The following CFAP77 variants were observed in gnomAD, a reference collection of about 807,000 sequenced individuals.
CFAP77 encodes the protein cilia- and flagella-associated protein 77.
In CFAP77, 25 loss-of-function variants were observed where a neutral mutation model predicts 31.1. The ratio of observed to expected loss-of-function variants is 0.80; its 90% CI spans 0.59 to 1.12. CFAP77 has a LOEUF of 1.12. Ranked by LOEUF, CFAP77 falls within the 50% of genes most tolerant of loss-of-function variation. The pLI, the probability that CFAP77 is intolerant of heterozygous loss-of-function variation, is 0.00. For missense variants in CFAP77, 377 were observed against 397.3 expected (o/e 0.95, Z 0.44); for synonymous variants, 151 against 159.9 (o/e 0.94, Z 0.42).
chr9:132,489,251 C>T (rs1424272648), intron 1 of CFAP77, among the ~76,000 whole-genome samples: 4 of 152,082 alleles, frequency 2.6e-5, no homozygotes, highest in Non-Finnish European at 5.9e-5. Flanking sequence ...AAATGAGAAG[C>T]GCAAGGATTT....
At chr9:132,551,169 C>T (rs1852814818) in intron 5 of CFAP77, among the ~76,000 whole-genome samples, 1 of 151,988 alleles carries the variant, frequency 6.6e-6, no homozygotes, top group Non-Finnish European at 1.5e-5. Flanking sequence ...AGTCCAGTAG[C>T]TGGGAGAGTG....
rs1372715090 is a variant in CFAP77, at chr9:132,511,863, G to A, written c.524+12263G>A. Among the ~76,000 whole-genome samples, 1 of 152,194 alleles carries A rather than the reference G, an allele frequency of 6.6e-6. No individual in the cohort carries two copies. Among genetic ancestry groups the A allele is most frequent in the Non-Finnish European group, 1.5e-5 (1 of 68,042 alleles). ...GAGGTCAGGAGTTCGACACCAGCCT[G>A]ACCAATATGGTGAAATCCCGTCTCT... On this transcript the variant is annotated intron_variant, in intron 3 of 5. Transcript: ENST00000393216. The surrounding 1 kb of genome is among the most constrained non-coding windows in gnomAD (Gnocchi z 5.8).
intron 1 of CFAP77, among the ~76,000 whole-genome samples, chr9:132,438,319 C>T (rs1189703341): frequency 6.7e-6 from 1 of 149,802 alleles, no homozygotes; most frequent in African/African-American, 2.5e-5. Context: ...TAATGATGTT[C>T]CTATTTTACA....
rs933001711 is a variant in CFAP77, at chr9:132,416,177, C to A, written c.195+5711C>A. On this transcript the variant is annotated intron_variant, in intron 1 of 5. Transcript: ENST00000393216. ...CCTGGGCTGTGTTAAACCTTAGACC[C>A]GTCTGCTGGGCTCTCACTCCTGCCT... Among the ~76,000 whole-genome samples the A allele has an allele frequency of 3.3e-5, 5 of 152,178 alleles. No individual in the cohort carries two copies. The East Asian group carries it at 9.7e-4, about 29-fold the overall frequency.
intron 1 of CFAP77, among the ~76,000 whole-genome samples, chr9:132,493,256 C>T (rs1372065555): frequency 6.6e-6 from 1 of 152,206 alleles, no homozygotes; most frequent in Non-Finnish European, 1.5e-5. Flanking sequence ...GGAAGTTCCA[C>T]TTCATCCTTC....
At position 132,454,298 on chromosome 9, in the gene CFAP77, G is replaced by A. The variant is rs537317987; in HGVS notation, c.195+43832G>A. On this transcript the variant is annotated intron_variant, in intron 1 of 5. Transcript: ENST00000393216. ...TTGTAACTCATCTATTTAAAAATCA[G>A]ATCAGGCTGAAAACACAGTGAGTAG... 3.3e-5 allele frequency among the ~76,000 whole-genome samples: 5 copies of A among 152,190 alleles called. No homozygotes were observed. The East Asian group carries it at 9.6e-4, about 29-fold the overall frequency.
In CFAP77 at chr9:132,498,755, G is replaced by A. The variant is rs760052079; in HGVS notation, c.256G>A (p.Gly86Arg). 1 of 1,612,222 alleles carries A rather than the reference G, an allele frequency of 6.2e-7. No individual in the cohort carries two copies. The highest frequency in any genetic ancestry group is 8.5e-7 in the Non-Finnish European group (1 of 1,179,104). Residue 86 changes from glycine (G) to arginine (R), a missense_variant, in exon 2 of 6, where the codon GGA becomes AGA. By Grantham distance (125) the Gly-to-Arg change is moderately radical. Coordinates refer to ENST00000393216, the MANE Select transcript of CFAP77 (RefSeq NM_001282957.2). The surrounding 1 kb of genome is among the most constrained non-coding windows in gnomAD (Gnocchi z 4.2). Reference sequence around the variant, plus strand: ...TCTGCCCGGCATTAATTTTAATTATGGACTCTACATCCGAGGGCTTGACGG... The same window carrying A: ...TCTGCCCGGCATTAATTTTAATTATAGACTCTACATCCGAGGGCTTGACGG... The part of the protein sequence containing the change: ...YSLPGINFNY[G>R]LYIRGLDGGV...
intron 3 of CFAP77, among the ~76,000 whole-genome samples, chr9:132,516,731 G>A (rs992209773): frequency 6.6e-6 from 1 of 152,094 alleles, no homozygotes; most frequent in Non-Finnish European, 1.5e-5. Flanking sequence ...AACTGGGTAA[G>A]GGGCACGTGG....
At position 132,425,864 on chromosome 9, in the gene CFAP77, G is replaced by A. The variant is rs552456673; in HGVS notation, c.195+15398G>A. Among the ~76,000 whole-genome samples, 88 of 152,190 alleles carry A rather than the reference G, an allele frequency of 5.8e-4. 1 individual carries two copies. Among genetic ancestry groups the A allele is most frequent in the Non-Finnish European group, 1.0e-3 (70 of 68,036 alleles). On this transcript the variant is annotated intron_variant, in intron 1 of 5. Transcript: ENST00000393216. ...GTAATTACAGCCACACGGTGTGTCC[G>A]TAAACTTTTGAATGAAGAGCCTTGT...
At chr9:132,448,546 A>C (rs1424240178) in intron 1 of CFAP77, among the ~76,000 whole-genome samples, 1 of 152,058 alleles carries the variant, frequency 6.6e-6, no homozygotes, top group African/African-American at 2.4e-5. Flanking sequence ...AACACAGGAA[A>C]TGCTCCCCAA....
At position 132,499,550 on chromosome 9, in the gene CFAP77, G is replaced by T. The variant is rs752937378; in HGVS notation, c.474G>T (p.Lys158Asn). 1 of 1,614,204 alleles carries T rather than the reference G, an allele frequency of 6.2e-7. No homozygotes were observed. Among genetic ancestry groups the T allele is most frequent in the South Asian group, 1.1e-5 (1 of 91,086 alleles). The change falls in exon 3 of 6, where the codon AAG becomes AAT. Residue 158 changes from lysine to asparagine, a missense_variant. By Grantham distance (94) the Lys-to-Asn change is moderately conservative (BLOSUM62 0). Coordinates refer to ENST00000393216, the MANE Select transcript of CFAP77 (RefSeq NM_001282957.2). This position sits in a 1 kb window ranked among gnomAD's most constrained non-coding sequence, Gnocchi z 5.4. ...GTGACCAGGATGACCGGCGCATGAA[G>T]AAAGAGCCGCCCCCTCTCCCTCCAA... Reference protein sequence around the residue: ...RISDQDDRRMKKEPPPLPPNM... With the variant: ...RISDQDDRRMNKEPPPLPPNM...
At chr9:132,503,109 A>G (rs892511097) in intron 3 of CFAP77, among the ~76,000 whole-genome samples, 7 of 152,168 alleles carry the variant, frequency 4.6e-5, no homozygotes, top group Non-Finnish European at 8.8e-5. Context: ...CAGGAAGGTG[A>G]CACTAGAGAC....
chr9:132,567,695 G>T (rs1829901932), intron 5 of CFAP77, among the ~76,000 whole-genome samples: 1 of 152,180 alleles, frequency 6.6e-6, no homozygotes, highest in Non-Finnish European at 1.5e-5. Context: ...AGTTCTGGAG[G>T]CCAGACCAAC....
Position 132,545,537 on chromosome 9 carries a change from G to C in CFAP77, c.732+2490G>C, listed in dbSNP as rs556405132. 4.6e-5 allele frequency among the ~76,000 whole-genome samples: 7 copies of C among 152,238 alleles called. No homozygotes were observed. The highest frequency in any genetic ancestry group is 2.1e-4 in the South Asian group (1 of 4,836). ...ATGCTGGGAGTTAAAGCTGCAGGCT[G>C]TCTCCCTATCCTACTTGCCAGAAAC... On this transcript the variant is annotated intron_variant, in intron 5 of 5. Transcript: ENST00000393216. This position sits in a 1 kb window ranked among gnomAD's most constrained non-coding sequence, Gnocchi z 4.6.
chr9:132,493,279 T>C (rs1851679998), intron 1 of CFAP77, among the ~76,000 whole-genome samples: 3 of 152,182 alleles, frequency 2.0e-5, no homozygotes, highest in Non-Finnish European at 2.9e-5. Context: ...GGCGATGCTA[T>C]GGTCTGGAAA....
chr9:132,519,461 TGG>T (rs1852211876), intron 3 of CFAP77, among the ~76,000 whole-genome samples: 1 of 24,568 alleles, frequency 4.1e-5, no homozygotes, highest in Non-Finnish European at 8.2e-5. Flanking sequence ...GATGGGTGGG[TGG>T]GTAGATGGAT....
rs1338388212 is a variant in CFAP77 at position 132,565,010 on chromosome 9, A to G, written c.733-7378A>G. ...CTGTAGTATGGGAGAGTTAGATTCG[A>G]TATCACTAAGGTCTCTTCCAAACCT... On this transcript the variant is annotated intron_variant, in intron 5 of 5. Transcript: ENST00000393216. This position sits in a 1 kb window ranked among gnomAD's most constrained non-coding sequence, Gnocchi z 4.1. Among the ~76,000 whole-genome samples, 2 of 151,938 alleles carry G rather than the reference A, an allele frequency of 1.3e-5. No homozygotes were observed. The highest frequency in any genetic ancestry group is 1.9e-4 in the East Asian group (1 of 5,198).
chr9:132,440,237 C>T (rs568231121), intron 1 of CFAP77, among the ~76,000 whole-genome samples: 2 of 151,862 alleles, frequency 1.3e-5, no homozygotes, highest in South Asian at 2.1e-4. Context: ...CTTGAGAGGT[C>T]GAGGAGAGAG....
intron 5 of CFAP77, among the ~76,000 whole-genome samples, chr9:132,555,052 T>TG (rs1365096454): frequency 6.6e-6 from 1 of 152,216 alleles, no homozygotes; most frequent in Non-Finnish European, 1.5e-5. Context: ...TGGTGTCTAC[T>TG]GGGTGCCTCT....
Sources: allele counts gnomAD v4.1 joint callset (sites outside exome capture counted in the v4.1 genomes callset), GRCh38; gene constraint gnomAD v4.1.1; non-coding constraint Gnocchi (gnomAD v3.1); transcripts MANE v1.5; gene names NCBI Gene and HGNC (gene_info 2026-07-23, HGNC 2026-07-21).